KHDRBS2: variants seen among roughly 807,000 people sequenced by gnomAD.
The protein encoded by KHDRBS2 is KH RNA binding domain containing, signal transduction associated 2, also known as KH domain-containing, RNA-binding, signal transduction-associated protein 2.
In KHDRBS2, 26 loss-of-function variants were observed where a neutral mutation model predicts 44.3. That is an observed-to-expected ratio of 0.59 (90% CI 0.43 to 0.81). KHDRBS2 has a LOEUF of 0.81. Ranked by LOEUF, KHDRBS2 falls within the 40% of genes least tolerant of loss-of-function variation. KHDRBS2 has a pLI of 0.00. For missense variants in KHDRBS2, 476 were observed against 433.1 expected (o/e 1.10, Z -0.88); for synonymous variants, 194 against 151.1 (o/e 1.28, Z -2.08).
At chr6:62,059,684 T>C (rs908467142) in intron 2 of KHDRBS2, among the ~76,000 whole-genome samples, 2 of 151,772 alleles carry the variant, frequency 1.3e-5, no homozygotes, top group Non-Finnish European at 2.9e-5. Context: ...CTAGCAATCA[T>C]GTATGGGTAG....
At chr6:61,855,529 A>G (rs576319031) in intron 6 of KHDRBS2, among the ~76,000 whole-genome samples, 5 of 151,682 alleles carry the variant, frequency 3.3e-5, no homozygotes, top group African/African-American at 4.8e-5. Flanking sequence ...ATGATATATT[A>G]GAACTACATC....
At chr6:61,923,354 C>T (rs1336669866) in intron 4 of KHDRBS2, among the ~76,000 whole-genome samples, 1 of 151,762 alleles carries the variant, frequency 6.6e-6, no homozygotes, top group Non-Finnish European at 1.5e-5. Context: ...TATAACTATG[C>T]CAATAAATTC....
chr6:61,638,143 T>C, the KHDRBS2 span, among the ~76,000 whole-genome samples: 2 of 152,080 alleles, frequency 1.3e-5, no homozygotes, highest in African/African-American at 2.4e-5. Context: ...CTTCTCAGAA[T>C]TGGAGAAAGC....
intron 6 of KHDRBS2, among the ~76,000 whole-genome samples, chr6:61,753,644 A>T (rs998916492): frequency 2.0e-5 from 3 of 152,136 alleles, no homozygotes; most frequent in Middle Eastern, 3.2e-3. Flanking sequence ...TGAGGATAAG[A>T]GGAAAAGTGG....
intron 6 of KHDRBS2, among the ~76,000 whole-genome samples, chr6:61,754,172 A>G (rs1778146057): frequency 6.6e-6 from 1 of 152,180 alleles, no homozygotes; most frequent in African/African-American, 2.4e-5. Flanking sequence ...ACTAATACAG[A>G]TTTGGATGAC....
At chr6:61,728,824 T>A (rs1470144222) in intron 7 of KHDRBS2, among the ~76,000 whole-genome samples, 2 of 152,176 alleles carry the variant, frequency 1.3e-5, no homozygotes, top group East Asian at 3.9e-4. Flanking sequence ...TCTTCTTTTT[T>A]TACTATATTT....
intron 6 of KHDRBS2, among the ~76,000 whole-genome samples, chr6:61,792,269 T>G (rs955173279): frequency 2.6e-5 from 4 of 151,474 alleles, no homozygotes; most frequent in African/African-American, 7.2e-5. Flanking sequence ...TTATATTAAC[T>G]TATATTCATA....
intron 1 of KHDRBS2, among the ~76,000 whole-genome samples, chr6:62,194,866 G>A (rs1463962248): frequency 6.6e-6 from 1 of 151,864 alleles, no homozygotes; most frequent in Non-Finnish European, 1.5e-5. Flanking sequence ...CACAAAGTAT[G>A]AGTACTCAAA....
intron 6 of KHDRBS2, among the ~76,000 whole-genome samples, chr6:61,820,017 A>C (rs1357257152): frequency 6.6e-6 from 1 of 152,082 alleles, no homozygotes; most frequent in African/African-American, 2.4e-5. Context: ...AGGAAGGTTC[A>C]TTAACTCGTG....
At chr6:61,976,657 A>G (rs1472832528) in intron 4 of KHDRBS2, among the ~76,000 whole-genome samples, 2 of 152,168 alleles carry the variant, frequency 1.3e-5, no homozygotes, top group Non-Finnish European at 1.5e-5. Context: ...GAGGCTGGTC[A>G]ATGATAATTA....
At chr6:61,751,195 A>G (rs1777636915) in intron 6 of KHDRBS2, among the ~76,000 whole-genome samples, 2 of 152,164 alleles carry the variant, frequency 1.3e-5, no homozygotes, top group Non-Finnish European at 2.9e-5. Flanking sequence ...GATGTTCTTG[A>G]CTATACCTTA....
intron 6 of KHDRBS2, among the ~76,000 whole-genome samples, chr6:61,754,168 A>G (rs1265716690): frequency 2.0e-5 from 3 of 152,168 alleles, no homozygotes; most frequent in African/African-American, 7.2e-5. Context: ...GGTAACTAAT[A>G]CAGATTTGGA....
intron 3 of KHDRBS2, among the ~76,000 whole-genome samples, chr6:61,989,122 T>C (rs1411408557): frequency 6.6e-6 from 1 of 152,172 alleles, no homozygotes. Flanking sequence ...AGAGCATTTA[T>C]GTTAGAAAAC....
intron 2 of KHDRBS2, among the ~76,000 whole-genome samples, chr6:62,165,257 ATTTAT>A (rs896510002): frequency 1.8e-4 from 27 of 150,040 alleles, no homozygotes; most frequent in African/African-American, 6.3e-4. Context: ...TTATTTATTT[ATTTAT>A]TTATTTATTT....
At chr6:62,169,402 T>C (rs1201632887) in intron 2 of KHDRBS2, among the ~76,000 whole-genome samples, 1 of 151,700 alleles carries the variant, frequency 6.6e-6, no homozygotes, top group Non-Finnish European at 1.5e-5. Flanking sequence ...CAAGAAATAA[T>C]TGGAAATTGG....
the KHDRBS2 span, among the ~76,000 whole-genome samples, chr6:61,673,808 A>G: frequency 4.8e-4 from 69 of 143,992 alleles, no homozygotes; most frequent in Non-Finnish European, 7.7e-4. Context: ...TTCCATGCTC[A>G]TGGGTAGGAA....
At chr6:61,632,200 A>C in the KHDRBS2 span, among the ~76,000 whole-genome samples, 1 of 152,170 alleles carries the variant, frequency 6.6e-6, no homozygotes, top group Non-Finnish European at 1.5e-5. Flanking sequence ...TGTAGTCAAA[A>C]TAAATTTTGA....
chr6:62,199,930 A>G (rs764321195), intron 1 of KHDRBS2, among the ~76,000 whole-genome samples: 1 of 152,184 alleles, frequency 6.6e-6, no homozygotes, highest in African/African-American at 2.4e-5. Flanking sequence ...AAATAATGCC[A>G]CATATCTACA....
At chr6:61,858,310 T>C (rs1796434989) in intron 6 of KHDRBS2, among the ~76,000 whole-genome samples, 1 of 151,828 alleles carries the variant, frequency 6.6e-6, no homozygotes, top group Non-Finnish European at 1.5e-5. Flanking sequence ...AAAGGGTAAA[T>C]TTACTCTTGA....
Sources: allele counts gnomAD v4.1 joint callset (sites outside exome capture counted in the v4.1 genomes callset), GRCh38; gene constraint gnomAD v4.1.1; transcripts MANE v1.5; gene names NCBI Gene and HGNC (gene_info 2026-07-23, HGNC 2026-07-21).